The following CNTN4 variants were observed in gnomAD, a reference collection of about 807,000 sequenced individuals.
CNTN4 encodes the protein contactin 4.
In CNTN4, 77 loss-of-function variants were observed where a neutral mutation model predicts 122.5. That is an observed-to-expected ratio of 0.63 (90% CI 0.52 to 0.76). The LOEUF is 0.76. Among genes scored for constraint, CNTN4 ranks in the 30% least tolerant of loss-of-function variants. CNTN4 has a pLI of 0.00. For synonymous variants in CNTN4, 512 were observed against 447.0 expected, an observed-to-expected ratio of 1.15 and a Z score of -1.83; for missense variants, 1,256 against 1,259.1, an observed-to-expected ratio of 1.00 and a Z score of 0.04.
rs904725315 is a variant in CNTN4 at position 2,122,626 on chromosome 3, AT to A, written c.-145+21994del. On this transcript the variant is annotated intron_variant, in intron 2 of 24. Transcript: ENST00000418658. ...ATAAATTCCTGAAAGAAGAATTGGAATTTTTTTGGTCAAAAATACTGTATTG... is the reference window on the plus strand; with the variant it reads ...ATAAATTCCTGAAAGAAGAATTGGAATTTTTTGGTCAAAAATACTGTATTG... 1.5e-3 allele frequency among the ~76,000 whole-genome samples: 228 copies of A among 152,306 alleles called. 2 individuals are homozygous for A. The highest frequency in any genetic ancestry group is 0.01 in the Middle Eastern group (3 of 294).
chr3:3,045,972 A>G (rs950752788), intron 23 of CNTN4, among the ~76,000 whole-genome samples: 6 of 152,238 alleles, frequency 3.9e-5, no homozygotes, highest in African/African-American at 1.4e-4. Context: ...CGAGAACTAC[A>G]TGACGAAGGC....
chr3:2,288,292 C>T (rs932356126), intron 2 of CNTN4, among the ~76,000 whole-genome samples: 5 of 152,108 alleles, frequency 3.3e-5, no homozygotes, highest in African/African-American at 7.2e-5. Context: ...CCTCAGGCTG[C>T]TTCCACTCAT....
At chr3:2,570,251 G>T (rs905026438) in intron 3 of CNTN4, among the ~76,000 whole-genome samples, 1 of 151,598 alleles carries the variant, frequency 6.6e-6, no homozygotes, top group Non-Finnish European at 1.5e-5. Flanking sequence ...ATGGCTCACT[G>T]CAGCCTCGAA....
chr3:2,420,350 G>C (rs1357425958), intron 3 of CNTN4, among the ~76,000 whole-genome samples: 2 of 152,152 alleles, frequency 1.3e-5, no homozygotes, highest in Non-Finnish European at 2.9e-5. Flanking sequence ...CCTCTCTGGT[G>C]GGATAACTCT....
intron 4 of CNTN4, among the ~76,000 whole-genome samples, chr3:2,714,769 G>A (rs571728476): frequency 3.9e-5 from 6 of 152,216 alleles, no homozygotes; most frequent in Admixed American, 6.5e-5. Context: ...ACAGGGTCTC[G>A]CTCTGTCACC....
At chr3:2,767,650 A>AT (rs914044814) in intron 6 of CNTN4, among the ~76,000 whole-genome samples, 21 of 152,294 alleles carry the variant, frequency 1.4e-4, no homozygotes, top group African/African-American at 4.6e-4. Context: ...GATTAGAAAA[A>AT]TGTTCTACTT....
intron 3 of CNTN4, among the ~76,000 whole-genome samples, chr3:2,470,593 AGTCTT>A (rs2075652206): frequency 6.6e-6 from 1 of 152,144 alleles, no homozygotes; most frequent in Non-Finnish European, 1.5e-5. Context: ...TTTTTCCCAC[AGTCTT>A]GTCTGCCACC....
chr3:2,310,057 A>G (rs1183432337), intron 2 of CNTN4, among the ~76,000 whole-genome samples: 1 of 152,122 alleles, frequency 6.6e-6, no homozygotes, highest in African/African-American at 2.4e-5. Context: ...AATATGTTCA[A>G]ATTTTATCAG....
chr3:2,400,404 A>AATATATATATATATATATATATAT (rs36082705), intron 3 of CNTN4, among the ~76,000 whole-genome samples: 1 of 91,438 alleles, frequency 1.1e-5, no homozygotes, highest in Non-Finnish European at 2.4e-5. Context: ...TATGTGTGTG[A>AATATATATATATATATATATATAT]ATATATATAT....
chr3:2,594,950 G>A (rs1313705723), intron 4 of CNTN4, among the ~76,000 whole-genome samples: 1 of 152,142 alleles, frequency 6.6e-6, no homozygotes, highest in African/African-American at 2.4e-5. Context: ...AATTGGAAAA[G>A]TCATCACCTT....
intron 4 of CNTN4, among the ~76,000 whole-genome samples, chr3:2,655,008 A>T (rs1366998482): frequency 1.3e-5 from 2 of 152,144 alleles, no homozygotes; most frequent in Non-Finnish European, 2.9e-5. Flanking sequence ...ATGGATTTTT[A>T]AAAAATTTAT....
chr3:2,280,045 A>G lies in CNTN4; in HGVS notation c.-144-59133A>G, dbSNP rs545024654. ...TATCTATATAGTATGTTTATGACCT[A>G]CAAGTATTCTTTTTTGATCAGGTTT... is the stretch of plus-strand genomic sequence containing the variant. On this transcript the variant is annotated intron_variant, in intron 2 of 24. Transcript: ENST00000418658. 6.1e-5 allele frequency among the ~76,000 whole-genome samples: 9 copies of G among 148,240 alleles called. 1 individual carries two copies. The South Asian group carries it at 1.7e-3, about 28-fold the overall frequency.
intron 3 of CNTN4, among the ~76,000 whole-genome samples, chr3:2,560,326 G>C (rs990273179): frequency 2.6e-5 from 4 of 151,750 alleles, no homozygotes; most frequent in Admixed American, 2.6e-4. Context: ...ATTTTTAGTA[G>C]ATATGGGGTT....
chr3:2,874,879 GT>G (rs2093825674), intron 8 of CNTN4, among the ~76,000 whole-genome samples: 1 of 152,146 alleles, frequency 6.6e-6, no homozygotes, highest in South Asian at 2.1e-4. Context: ...CCTGTGGCCT[GT>G]TTCTGTAAAT....
chr3:2,655,373 G>A (rs1054719451), intron 4 of CNTN4, among the ~76,000 whole-genome samples: 2 of 152,170 alleles, frequency 1.3e-5, no homozygotes, highest in Admixed American at 1.3e-4. Flanking sequence ...TTAATGACAA[G>A]CTGCCTCCTT....
At chr3:2,272,810 CTT>C (rs71944369) in intron 2 of CNTN4, among the ~76,000 whole-genome samples, 2 of 106,190 alleles carry the variant, frequency 1.9e-5, no homozygotes, top group African/African-American at 2.9e-5. Flanking sequence ...ACTACAGAGC[CTT>C]TTTTTTTTTA....
intron 2 of CNTN4, among the ~76,000 whole-genome samples, chr3:2,325,930 G>A (rs982219385): frequency 5.9e-5 from 9 of 152,126 alleles, no homozygotes; most frequent in Admixed American, 2.0e-4. Context: ...ATTTGAGCCT[G>A]TTTTGGGGAA....
chr3:2,634,537 G>A (rs1559330313), intron 4 of CNTN4, among the ~76,000 whole-genome samples: 1 of 151,880 alleles, frequency 6.6e-6, no homozygotes, highest in East Asian at 1.9e-4. Context: ...ATTAGTTTTT[G>A]AAAAATTCTA....
In CNTN4 at chr3:2,182,891, G is replaced by A. The variant is rs80226254; in HGVS notation, c.-145+82252G>A. Reference sequence around the variant, plus strand: ...TTAAAATGACTGTTCCTAACAGCAGGTGCTCTCTTCTTTGTTTCAGATTAT... The same window carrying A: ...TTAAAATGACTGTTCCTAACAGCAGATGCTCTCTTCTTTGTTTCAGATTAT... On this transcript the variant is annotated intron_variant, in intron 2 of 24. Transcript: ENST00000418658. Among the ~76,000 whole-genome samples, 864 of 151,836 alleles carry A rather than the reference G, an allele frequency of 5.7e-3. 11 individuals are homozygous for A. The highest frequency in any genetic ancestry group is 0.02 in the African/African-American group (817 of 41,422).
Sources: gnomAD v4.1 joint callset for allele counts (sites outside exome capture counted in the v4.1 genomes callset) on GRCh38, gnomAD v4.1.1 for gene constraint, MANE v1.5 for transcripts, NCBI Gene and HGNC (gene_info 2026-07-23, HGNC 2026-07-21) for gene names.